The following FANCC variants were observed in gnomAD, a reference collection of about 807,000 sequenced individuals.
FANCC encodes FA complementation group C.
A neutral mutation model predicts 71.3 loss-of-function variants in FANCC; 55 were observed. The ratio of observed to expected loss-of-function variants is 0.77; its 90% CI spans 0.62 to 0.97. The LOEUF (loss-of-function observed/expected upper bound fraction) is 0.97, where lower values mean the gene tolerates loss of function less well. FANCC is among the 50% of genes least tolerant of loss of function. FANCC has a pLI of 0.00. For missense variants in FANCC, 678 were observed against 670.9 expected (o/e 1.01, Z -0.12); for synonymous variants, 275 against 244.9 (o/e 1.12, Z -1.15).
At chr9:95,240,847 C>G in intron 3 of FANCC, 104 bp from the exon 4 acceptor site, 1 of 722,740 alleles carries the variant, frequency 1.4e-6, no homozygotes, top group South Asian at 1.6e-5. Flanking sequence ...ACTAAGTTCA[C>G]AGAACAAGTA....
intron 2 of FANCC, among the ~76,000 whole-genome samples, chr9:95,248,897 C>T (rs1454308966): frequency 2.6e-5 from 4 of 152,082 alleles, no homozygotes; most frequent in Non-Finnish European, 5.9e-5. Flanking sequence ...TTAAGAACAA[C>T]TTGCTTGGTC....
intron 6 of FANCC, among the ~76,000 whole-genome samples, chr9:95,155,589 A>G (rs1830427698): frequency 6.6e-6 from 1 of 151,512 alleles, no homozygotes; most frequent in Non-Finnish European, 1.5e-5. Context: ...GGGTATTTCT[A>G]TAGAATTATT....
At chr9:95,163,083 C>T (rs1196635338) in intron 6 of FANCC, among the ~76,000 whole-genome samples, 1 of 152,168 alleles carries the variant, frequency 6.6e-6, no homozygotes, top group African/African-American at 2.4e-5. Flanking sequence ...ACGTTTAGGT[C>T]TTTCATCTAT....
chr9:95,260,881 G>C (rs541908397), intron 1 of FANCC, among the ~76,000 whole-genome samples: 78 of 152,254 alleles, frequency 5.1e-4, no homozygotes, highest in Non-Finnish European at 9.7e-4. Flanking sequence ...TGAGTTCTCT[G>C]TCTGGAAATA....
intron 1 of FANCC, among the ~76,000 whole-genome samples, chr9:95,301,385 A>C (rs1834723638): frequency 6.6e-6 from 1 of 152,152 alleles, no homozygotes; most frequent in Non-Finnish European, 1.5e-5. Flanking sequence ...TTCAAAAATA[A>C]GTGCTGGTGC....
intron 14 of FANCC, among the ~76,000 whole-genome samples, chr9:95,106,077 C>A (rs2071425265): frequency 6.6e-6 from 1 of 152,224 alleles, no homozygotes; most frequent in South Asian, 2.1e-4. Context: ...ACGTTAATGT[C>A]CCCACCGGGA....
At chr9:95,271,388 T>G (rs1209823680) in intron 1 of FANCC, among the ~76,000 whole-genome samples, 1 of 152,156 alleles carries the variant, frequency 6.6e-6, no homozygotes, top group Non-Finnish European at 1.5e-5. Flanking sequence ...GTAGGCCACA[T>G]GCAACCTTAT....
intron 8 of FANCC, 169 bp from the exon 9 acceptor site, chr9:95,126,750 A>T (rs912728377): frequency 3.0e-6 from 2 of 673,480 alleles, no homozygotes; most frequent in African/African-American, 3.6e-5. Context: ...CCCACATACA[A>T]GTGCATACGG....
At chr9:95,190,438 T>C (rs1295950488) in intron 4 of FANCC, among the ~76,000 whole-genome samples, 1 of 152,220 alleles carries the variant, frequency 6.6e-6, no homozygotes, top group Non-Finnish European at 1.5e-5. Context: ...TTTAGCACAA[T>C]TTCCTGAGAA....
chr9:95,218,313 A>G (rs1292822909), intron 4 of FANCC, among the ~76,000 whole-genome samples: 1 of 152,114 alleles, frequency 6.6e-6, no homozygotes, highest in African/African-American at 2.4e-5. Flanking sequence ...AAAAATTTCA[A>G]AATTAGCCAG....
chr9:95,183,324 C>T (rs1234972468), intron 4 of FANCC, among the ~76,000 whole-genome samples: 1 of 152,228 alleles, frequency 6.6e-6, no homozygotes, highest in East Asian at 1.9e-4. Flanking sequence ...TCTCCTCTGT[C>T]CACCGTTAGC....
rs565901660 is a variant in FANCC at position 95,234,216 on chromosome 9, G to A, written c.345+6433C>T. ...ATGCTAATTAAAAGTTGGCAAAAAT[G>A]TTTCAAAGTTATCAGGAAGATTATC... On this transcript the variant is annotated intron_variant, in intron 4 of 14. Coordinates refer to ENST00000289081, the MANE Select transcript of FANCC (RefSeq NM_000136.3). Among the ~76,000 whole-genome samples the A allele has an allele frequency of 3.9e-5, 6 of 152,254 alleles. No homozygotes were observed. In the South Asian group the frequency reaches 1.2e-3, roughly 32 times the overall value.
intron 12 of FANCC, 28 bp downstream of exon 12, chr9:95,114,601 G>A: frequency 1.3e-6 from 2 of 1,593,062 alleles, no homozygotes; most frequent in Non-Finnish European, 1.7e-6. Flanking sequence ...GTGTGAAGTA[G>A]ATTTGGGAGT....
At chr9:95,219,756 A>G (rs1829114787) in intron 4 of FANCC, among the ~76,000 whole-genome samples, 1 of 152,226 alleles carries the variant, frequency 6.6e-6, no homozygotes, top group African/African-American at 2.4e-5. Context: ...CTAAAACCAT[A>G]AAAACCCTAG....
chr9:95,111,818 C>T (rs1291788430), intron 12 of FANCC, among the ~76,000 whole-genome samples, 181 bp from the exon 13 acceptor site: 1 of 152,260 alleles, frequency 6.6e-6, no homozygotes, highest in Non-Finnish European at 1.5e-5. Context: ...TGCACCATCA[C>T]AGGACATCGA....
intron 1 of FANCC, among the ~76,000 whole-genome samples, chr9:95,257,737 C>G (rs543105468): frequency 3.1e-4 from 47 of 152,224 alleles, no homozygotes; most frequent in African/African-American, 1.0e-3. Flanking sequence ...ATCAATGAAT[C>G]CAGGAGCTGG....
chr9:95,281,635 C>T (rs1178005313), intron 1 of FANCC, among the ~76,000 whole-genome samples: 2 of 152,024 alleles, frequency 1.3e-5, no homozygotes, highest in African/African-American at 4.8e-5. Context: ...CAGTCAAATT[C>T]TGAAGTCTCT....
chr9:95,290,366 C>A lies in FANCC; in HGVS notation c.-79+27160G>T, dbSNP rs80094419. On this transcript the variant is annotated intron_variant, in intron 1 of 14. Transcript: ENST00000289081. Reference sequence around the variant, plus strand: ...ATCTTCCAAGTATAACCAATGATATCTTTCTGTCAGCAATATCACTATTCC... The same window carrying A: ...ATCTTCCAAGTATAACCAATGATATATTTCTGTCAGCAATATCACTATTCC... Among the ~76,000 whole-genome samples the A allele has an allele frequency of 7.2e-3, 1,102 of 152,314 alleles. 12 individuals are homozygous for A. Among genetic ancestry groups the A allele is most frequent in the African/African-American group, 0.025 (1,047 of 41,576 alleles).
intron 10 of FANCC, 105 bp downstream of exon 10, chr9:95,124,981 A>C: frequency 2.1e-6 from 2 of 958,118 alleles, no homozygotes; most frequent in Non-Finnish European, 3.3e-6. Flanking sequence ...TTTGTGAGCA[A>C]AACAGTCCAT....
Sources: allele counts gnomAD v4.1 joint callset (sites outside exome capture counted in the v4.1 genomes callset), GRCh38; gene constraint gnomAD v4.1.1; transcripts MANE v1.5; gene names NCBI Gene and HGNC (gene_info 2026-07-23, HGNC 2026-07-21).